ADCK1: variants seen among roughly 807,000 people sequenced by gnomAD.
The protein encoded by ADCK1 is aarF domain containing kinase 1, also known as aarF domain-containing protein kinase 1.
In ADCK1, 41 loss-of-function variants were observed where a neutral mutation model predicts 52.3. The ratio of observed to expected loss-of-function variants is 0.78; its 90% confidence interval spans 0.61 to 1.02. ADCK1 has a LOEUF of 1.02. ADCK1 is among the 50% of genes least tolerant of loss of function. ADCK1 has a pLI of 0.00. For missense variants in ADCK1, 658 were observed against 679.5 expected (o/e 0.97, Z 0.35); for synonymous variants, 250 against 274.6 (o/e 0.91, Z 0.89).
rs574437869 is a variant in ADCK1 at position 77,806,459 on chromosome 14, C to G, written c.-12+6289C>G. Among the ~76,000 whole-genome samples the G allele has an allele frequency of 4.6e-5, 7 of 152,238 alleles. No individual in the cohort carries two copies. In the South Asian group the frequency reaches 6.2e-4, roughly 14 times the overall value. On this transcript the variant is annotated intron_variant, in intron 1 of 10. Coordinates refer to ENST00000238561, the MANE Select transcript of ADCK1 (RefSeq NM_020421.4). ...ATTTTGTGAAGGTGGTTTCAATTAT[C>G]AGTGGTATTGTTGTATTTGCTTTTA...
At chr14:77,805,987 CTT>C (rs530925697) in intron 1 of ADCK1, among the ~76,000 whole-genome samples, 12,243 of 87,442 alleles carry the variant, frequency 0.14, 709 homozygotes, top group African/African-American at 0.15. Context: ...ATTCTTACGG[CTT>C]TTTTTTTTTT....
intron 1 of ADCK1, among the ~76,000 whole-genome samples, chr14:77,813,627 C>G (rs1033794236): frequency 7.2e-5 from 11 of 151,878 alleles, no homozygotes; most frequent in African/African-American, 2.2e-4. Context: ...TAAATTATTT[C>G]CTTAAAAATC....
chr14:77,839,698 C>T (rs989690005), intron 3 of ADCK1, among the ~76,000 whole-genome samples: 5 of 151,826 alleles, frequency 3.3e-5, no homozygotes, highest in Admixed American at 1.3e-4. Context: ...CTTTGGGAGG[C>T]CGATGCAGGT....
intron 3 of ADCK1, among the ~76,000 whole-genome samples, chr14:77,838,293 C>T (rs561141097): frequency 4.6e-5 from 7 of 152,326 alleles, no homozygotes; most frequent in Admixed American, 2.6e-4. Flanking sequence ...TGACTGATAA[C>T]AGCAAGACAT....
At chr14:77,865,129 A>T (rs1270995051) in intron 4 of ADCK1, among the ~76,000 whole-genome samples, 1 of 117,810 alleles carries the variant, frequency 8.5e-6, no homozygotes, top group Non-Finnish European at 1.8e-5. Context: ...TAAAAAAAAA[A>T]GTTAAAAAAA....
chr14:77,838,744 C>T (rs1363291634), intron 3 of ADCK1, among the ~76,000 whole-genome samples: 2 of 152,174 alleles, frequency 1.3e-5, no homozygotes, highest in African/African-American at 4.8e-5. Context: ...CCCCTAACCC[C>T]CAACATGTTA....
At chr14:77,887,388 C>T (rs1465223340) in intron 5 of ADCK1, 139 bp downstream of exon 5, 43 of 991,274 alleles carry the variant, frequency 4.3e-5, no homozygotes, top group African/African-American at 8.4e-5. Context: ...GCTGAGATTA[C>T]GACAGAGGAG....
At chr14:77,882,544 T>C (rs770972301) in intron 4 of ADCK1, among the ~76,000 whole-genome samples, 1 of 152,246 alleles carries the variant, frequency 6.6e-6, no homozygotes. Context: ...GAAAGTGGGC[T>C]ATCTTGGAAG....
intron 8 of ADCK1, 91 bp from the exon 9 acceptor site, chr14:77,925,673 T>C: frequency 7.7e-7 from 1 of 1,297,704 alleles, no homozygotes; most frequent in Non-Finnish European, 1.1e-6. Flanking sequence ...GTCCTCACCG[T>C]CGTCTTTTGC....
intron 1 of ADCK1, among the ~76,000 whole-genome samples, chr14:77,812,505 GTA>G (rs1248912961): frequency 1.3e-5 from 2 of 148,218 alleles, no homozygotes; most frequent in Non-Finnish European, 3.0e-5. Flanking sequence ...GTGTGTGTGT[GTA>G]TATATATATA....
chr14:77,836,769 C>CTTTTTTT (rs1293120244), intron 3 of ADCK1, among the ~76,000 whole-genome samples: 2 of 75,280 alleles, frequency 2.7e-5, no homozygotes, highest in African/African-American at 4.5e-5. Context: ...TTCTTTCTTT[C>CTTTTTTT]TTTCTTTTTT....
chr14:77,885,793 T>C (rs1486888318), intron 4 of ADCK1, among the ~76,000 whole-genome samples: 2 of 152,224 alleles, frequency 1.3e-5, no homozygotes, highest in Non-Finnish European at 2.9e-5. Context: ...TTTCCAGGAT[T>C]GTGAGGCTGC....
At chr14:77,801,748 T>C (rs990538640) in intron 1 of ADCK1, among the ~76,000 whole-genome samples, 4 of 152,138 alleles carry the variant, frequency 2.6e-5, no homozygotes, top group Non-Finnish European at 5.9e-5. Context: ...AATGCCAGCC[T>C]GGCCAACATG....
chr14:77,850,170 A>G (rs1047291494), intron 3 of ADCK1, among the ~76,000 whole-genome samples: 39 of 152,158 alleles, frequency 2.6e-4, no homozygotes, highest in African/African-American at 9.4e-4. Context: ...TGGTGTCACT[A>G]TACTTCAGCC....
chr14:77,872,331 C>T (rs1566687252), intron 4 of ADCK1, among the ~76,000 whole-genome samples: 1 of 152,212 alleles, frequency 6.6e-6, no homozygotes, highest in South Asian at 2.1e-4. Flanking sequence ...ACTTCAGTCA[C>T]ACAAGCTGCT....
intron 3 of ADCK1, among the ~76,000 whole-genome samples, chr14:77,823,292 C>G (rs2081620105): frequency 6.6e-6 from 1 of 152,174 alleles, no homozygotes; most frequent in Non-Finnish European, 1.5e-5. Flanking sequence ...TCCTCTCAGC[C>G]AGGAATGCAA....
At chr14:77,834,965 A>C (rs1201141911) in intron 3 of ADCK1, among the ~76,000 whole-genome samples, 1 of 152,020 alleles carries the variant, frequency 6.6e-6, no homozygotes, top group Non-Finnish European at 1.5e-5. Flanking sequence ...TGGGCTTTTC[A>C]TTGCTGATTG....
intron 4 of ADCK1, among the ~76,000 whole-genome samples, chr14:77,875,653 G>A (rs1180091665): frequency 1.3e-5 from 2 of 152,110 alleles, no homozygotes; most frequent in Non-Finnish European, 2.9e-5. Flanking sequence ...GTCTGGCCTG[G>A]CCCCACTGCT....
chr14:77,890,407 A>C (rs1022672477), intron 5 of ADCK1, among the ~76,000 whole-genome samples: 1 of 152,198 alleles, frequency 6.6e-6, no homozygotes, highest in African/African-American at 2.4e-5. Context: ...CCAAGAGAAT[A>C]AGGCTGAAAG....
Sources: gnomAD v4.1 joint callset for allele counts (sites outside exome capture counted in the v4.1 genomes callset) on GRCh38, gnomAD v4.1.1 for gene constraint, MANE v1.5 for transcripts, NCBI Gene and HGNC (gene_info 2026-07-23, HGNC 2026-07-21) for gene names.